RALYL: variants seen among roughly 807,000 people sequenced by gnomAD.
The protein encoded by RALYL is RNA-binding Raly-like protein.
RALYL carries 29 observed loss-of-function variants against 35.1 expected under a neutral mutation model. The ratio of observed to expected loss-of-function variants is 0.83; its 90% CI spans 0.61 to 1.13. The LOEUF is 1.13. Ranked by LOEUF, RALYL falls within the 50% of genes most tolerant of loss-of-function variation. The probability of loss-of-function intolerance (pLI) is 0.00; values close to 1 mark genes in which losing one functional copy is unlikely to be tolerated. For missense variants in RALYL, 359 were observed against 360.4 expected (o/e 1.00, Z 0.03); for synonymous variants, 120 against 127.6 (o/e 0.94, Z 0.40).
intron 1 of RALYL, among the ~76,000 whole-genome samples, chr8:84,299,996 T>G (rs1415907270): frequency 6.6e-6 from 1 of 151,914 alleles, no homozygotes; most frequent in Non-Finnish European, 1.5e-5. Context: ...TTGATTTTGC[T>G]TTTATTTTTT....
intron 2 of RALYL, among the ~76,000 whole-genome samples, chr8:84,586,059 G>T (rs1055131427): frequency 3.3e-5 from 5 of 151,970 alleles, no homozygotes; most frequent in African/African-American, 1.2e-4. Flanking sequence ...GCTGGGCGTG[G>T]TGGCACACAC....
rs556219907 is a variant in RALYL, at chr8:84,720,197, C to A, written c.257-54382C>A. Among the ~76,000 whole-genome samples, 3 of 152,106 alleles carry A rather than the reference C, an allele frequency of 2.0e-5. No individual in the cohort carries two copies. In the South Asian group the frequency reaches 6.2e-4, roughly 32 times the overall value. On this transcript the variant is annotated intron_variant, in intron 2 of 8. Transcript: ENST00000521268. Reference sequence around the variant, plus strand: ...ATGGAACCACAAAAAACCCAAATAGCCAAAGCAATCTTAGGCAAAAAGAAC... The same window carrying A: ...ATGGAACCACAAAAAACCCAAATAGACAAAGCAATCTTAGGCAAAAAGAAC...
intron 2 of RALYL, among the ~76,000 whole-genome samples, chr8:84,584,837 T>C (rs896105129): frequency 6.6e-6 from 1 of 152,156 alleles, no homozygotes; most frequent in African/African-American, 2.4e-5. Flanking sequence ...AAAGAGATAA[T>C]AGAACTGCTA....
At chr8:84,632,279 T>G (rs1416244728) in intron 2 of RALYL, among the ~76,000 whole-genome samples, 1 of 151,994 alleles carries the variant, frequency 6.6e-6, no homozygotes, top group Non-Finnish European at 1.5e-5. Flanking sequence ...GTTTATAAGC[T>G]ACCCAGTTGA....
At chr8:84,442,765 A>C (rs1444159376) in intron 1 of RALYL, among the ~76,000 whole-genome samples, 1 of 152,146 alleles carries the variant, frequency 6.6e-6, no homozygotes, top group Non-Finnish European at 1.5e-5. Flanking sequence ...GGAATAACAG[A>C]AAACAGGCCA....
At chr8:84,387,909 A>G (rs1027438826) in intron 1 of RALYL, among the ~76,000 whole-genome samples, 14 of 151,374 alleles carry the variant, frequency 9.2e-5, no homozygotes, top group African/African-American at 3.2e-4. Context: ...TTAGTTACAT[A>G]TGTATACATG....
At chr8:84,622,724 C>T (rs938913499) in intron 2 of RALYL, among the ~76,000 whole-genome samples, 1 of 152,026 alleles carries the variant, frequency 6.6e-6, no homozygotes, top group Non-Finnish European at 1.5e-5. Flanking sequence ...AAGGACTCTG[C>T]CATCATAAAG....
At chr8:84,401,236 T>TA (rs2042857590) in intron 1 of RALYL, among the ~76,000 whole-genome samples, 1 of 152,192 alleles carries the variant, frequency 6.6e-6, no homozygotes, top group African/African-American at 2.4e-5. Flanking sequence ...TTCTTTTTTT[T>TA]AATCTTTTCT....
chr8:84,194,810 A>C (rs1436475475), intron 1 of RALYL, among the ~76,000 whole-genome samples: 1 of 152,118 alleles, frequency 6.6e-6, no homozygotes, highest in Non-Finnish European at 1.5e-5. Flanking sequence ...CATAGATAAT[A>C]ATATTTAGGA....
At chr8:84,754,162 T>C (rs982059145) in intron 2 of RALYL, among the ~76,000 whole-genome samples, 4 of 152,130 alleles carry the variant, frequency 2.6e-5, no homozygotes, top group African/African-American at 7.2e-5. Context: ...CATTTGTCAA[T>C]TTTGCCTTTT....
intron 1 of RALYL, among the ~76,000 whole-genome samples, chr8:84,372,891 T>TTTTG (rs1415267299): frequency 2.6e-5 from 3 of 116,726 alleles, no homozygotes; most frequent in Non-Finnish European, 5.3e-5. Flanking sequence ...CATCTGTTTT[T>TTTTG]TTTTTTTTTT....
chr8:84,815,534 A>AT (rs1340132598), intron 4 of RALYL, among the ~76,000 whole-genome samples: 1 of 150,928 alleles, frequency 6.6e-6, no homozygotes, highest in Non-Finnish European at 1.5e-5. Context: ...CCATCTTAAC[A>AT]TTTTTTAAGA....
intron 2 of RALYL, among the ~76,000 whole-genome samples, chr8:84,530,603 C>T (rs2059216450): frequency 6.6e-6 from 1 of 152,128 alleles, no homozygotes; most frequent in South Asian, 2.1e-4. Flanking sequence ...AAGGCCATCT[C>T]ATACAGCCCA....
intron 1 of RALYL, among the ~76,000 whole-genome samples, chr8:84,522,815 A>G (rs1373494119): frequency 6.6e-6 from 1 of 152,116 alleles, no homozygotes; most frequent in African/African-American, 2.4e-5. Context: ...GGGTTTTTGA[A>G]TAGTGTATAT....
At chr8:84,862,254 G>T in intron 5 of RALYL, 42 bp from the exon 6 acceptor site, 2 of 1,404,168 alleles carry the variant, frequency 1.4e-6, no homozygotes, top group South Asian at 1.7e-5. Flanking sequence ...TAGAACTCTC[G>T]GGCATCAAAC....
intron 2 of RALYL, among the ~76,000 whole-genome samples, chr8:84,594,000 C>T (rs1246484334): frequency 6.6e-6 from 1 of 152,018 alleles, no homozygotes; most frequent in Non-Finnish European, 1.5e-5. Context: ...GCATTTGTGT[C>T]CACTTTAATG....
At chr8:84,533,044 A>C (rs1251080379) in intron 2 of RALYL, among the ~76,000 whole-genome samples, 4 of 152,128 alleles carry the variant, frequency 2.6e-5, no homozygotes, top group Non-Finnish European at 5.9e-5. Context: ...AAAATGTCAG[A>C]ATCTATCTAT....
chr8:84,535,147 A>G (rs916748930), intron 2 of RALYL, among the ~76,000 whole-genome samples: 8 of 152,204 alleles, frequency 5.3e-5, no homozygotes, highest in Non-Finnish European at 1.0e-4. Flanking sequence ...CAACAATGCC[A>G]ATAAATAATA....
At chr8:84,488,941 G>A (rs2054943739) in intron 1 of RALYL, among the ~76,000 whole-genome samples, 1 of 151,998 alleles carries the variant, frequency 6.6e-6, no homozygotes, top group Non-Finnish European at 1.5e-5. Context: ...TTCTTTAATT[G>A]AGAGGAAACA....
Sources: allele counts gnomAD v4.1 joint callset (sites outside exome capture counted in the v4.1 genomes callset), GRCh38; gene constraint gnomAD v4.1.1; transcripts MANE v1.5; gene names NCBI Gene and HGNC (gene_info 2026-07-23, HGNC 2026-07-21).